PFKP: variants seen among roughly 807,000 people sequenced by gnomAD.
PFKP encodes the protein ATP-dependent 6-phosphofructokinase, platelet type.
Under a neutral mutation model 94.3 loss-of-function variants are expected in PFKP, and 101 were observed. The observed-to-expected ratio is 1.07, with a 90% CI of 0.91 to 1.26. The LOEUF (loss-of-function observed/expected upper bound fraction) is 1.26. PFKP is among the 50% of genes most tolerant of loss of function. PFKP has a pLI of 0.00. For missense variants in PFKP, 1,145 were observed against 1,103.3 expected (o/e 1.04, Z -0.53); for synonymous variants, 573 against 432.6 (o/e 1.32, Z -4.03).
At chr10:3,133,698 T>TG (rs1349452316) in intron 19 of PFKP, among the ~76,000 whole-genome samples, 9 of 149,860 alleles carry the variant, frequency 6.0e-5, no homozygotes, top group African/African-American at 2.3e-4. Flanking sequence ...CCCAAAGTGG[T>TG]GGGAATACAG....
intron 4 of PFKP, 138 bp downstream of exon 4, chr10:3,101,692 G>T (rs1031128405): frequency 7.2e-5 from 43 of 598,156 alleles, no homozygotes; most frequent in Non-Finnish European, 1.2e-4. Context: ...GGACTTTTTA[G>T]GATCTCAAAA....
At chr10:3,106,454 C>T (rs1442490133) in intron 7 of PFKP, among the ~76,000 whole-genome samples, 1 of 151,308 alleles carries the variant, frequency 6.6e-6, no homozygotes, top group Non-Finnish European at 1.5e-5. Context: ...TGTCCTTCCC[C>T]ATGGGAACCC....
In PFKP at chr10:3,135,746, T is replaced by C; in HGVS notation, c.2133T>C (p.Phe711=). The C allele has an allele frequency of 6.2e-7, 1 of 1,608,302 alleles. No individual in the cohort carries two copies. Among genetic ancestry groups the C allele is most frequent in the Non-Finnish European group, 8.5e-7 (1 of 1,175,630 alleles). The change falls in exon 21 of 22, where the codon TTT becomes TTC. Residue 711 remains phenylalanine, a synonymous_variant. Transcript: ENST00000381125. ...TAAAATCTTTTATAGGAAAAAAATT[T>C]ACCACCGATGATTCCATTTGTGTGC... The part of the protein sequence containing the change: ...LKEARGRGKK[F]TTDDSICVLG...
At chr10:3,077,696 C>T (rs1274260806) in intron 1 of PFKP, among the ~76,000 whole-genome samples, 1 of 152,124 alleles carries the variant, frequency 6.6e-6, no homozygotes, top group African/African-American at 2.4e-5. Flanking sequence ...TTAAGTCATG[C>T]TTGCTAGGCC....
Position 3,113,431 on chromosome 10 carries a change from C to T in PFKP, c.1284C>T (p.Ala428=), listed in dbSNP as rs145014356. The change falls in exon 13 of 22, where the codon GCC becomes GCT. Residue 428 remains alanine (A), a synonymous_variant. Coordinates refer to ENST00000381125, the MANE Select transcript of PFKP (RefSeq NM_002627.5). Reference sequence around the variant, plus strand: ...CACCCGCGGCTGGGATGAACGCAGCCGTACGCTCAGCTGTGCGCGTGGGCA... The same window carrying T: ...CACCCGCGGCTGGGATGAACGCAGCTGTACGCTCAGCTGTGCGCGTGGGCA... ...VGAPAAGMNA[A]VRSAVRVGIA... is the part of the protein sequence containing the mutation. The T allele has an allele frequency of 1.9e-5, 31 of 1,609,118 alleles. 1 individual carries two copies. Among genetic ancestry groups the T allele is most frequent in the African/African-American group, 6.7e-5 (5 of 74,846 alleles).
chr10:3,134,956 C>T (rs1311061311), intron 20 of PFKP, among the ~76,000 whole-genome samples: 3 of 152,270 alleles, frequency 2.0e-5, no homozygotes, highest in East Asian at 3.9e-4. Flanking sequence ...TCAAAACTTC[C>T]AGTTTTGAGG....
At chr10:3,088,736 A>G (rs1478614619) in intron 2 of PFKP, among the ~76,000 whole-genome samples, 1 of 152,156 alleles carries the variant, frequency 6.6e-6, no homozygotes. Context: ...TAAAATATGC[A>G]TATATCATTT....
chr10:3,112,679 T>A (rs1836368065), intron 11 of PFKP, among the ~76,000 whole-genome samples: 1 of 152,154 alleles, frequency 6.6e-6, no homozygotes, highest in Non-Finnish European at 1.5e-5. Context: ...TGTCTCAGCC[T>A]CCCAAGTAGC....
chr10:3,098,450 C>T (rs577006086), intron 2 of PFKP, among the ~76,000 whole-genome samples: 3 of 151,876 alleles, frequency 2.0e-5, no homozygotes, highest in East Asian at 1.9e-4. Flanking sequence ...CTGAGGCAGG[C>T]GGATCATGAG....
In PFKP at chr10:3,129,887, C is replaced by G. The variant is rs141941529; in HGVS notation, c.1752C>G (p.Gly584=). Reference sequence around the variant, plus strand: ...GCGTGTTCATCATCGAGACCATGGGCGGCTACTGTGGCTACCTGGCCAACA... The same window carrying G: ...GCGTGTTCATCATCGAGACCATGGGGGGCTACTGTGGCTACCTGGCCAACA... ...KRRVFIIETM[G]GYCGYLANMG... Residue 584 remains glycine (G), a synonymous_variant, in exon 17 of 22, where the codon GGC becomes GGG. Transcript: ENST00000381125. 69 of 1,613,466 alleles carry G rather than the reference C, an allele frequency of 4.3e-5. No individual in the cohort carries two copies. The African/African-American group carries it at 7.3e-4, about 17-fold the overall frequency.
In PFKP at chr10:3,126,405, C is replaced by T. The variant is rs573376989; in HGVS notation, c.1684-3414C>T. On this transcript the variant is annotated intron_variant, in intron 16 of 21. Transcript: ENST00000381125. ...CACTTGACCCCTGTTGGGTGAATGC[C>T]ATTAGGGTCCGGCCATCGCTGGCTT... is the stretch of plus-strand genomic sequence containing the variant. Among the ~76,000 whole-genome samples, 22 of 152,318 alleles carry T rather than the reference C, an allele frequency of 1.4e-4. 3 individuals carry two copies. Among genetic ancestry groups the T allele is most frequent in the African/African-American group, 5.1e-4 (21 of 41,576 alleles).
At chr10:3,104,926 C>T (rs948014270) in intron 5 of PFKP, 189 bp from the exon 6 acceptor site, 10 of 668,484 alleles carry the variant, frequency 1.5e-5, no homozygotes, top group Non-Finnish European at 2.7e-5. Context: ...TGGAAGGCTA[C>T]TGCATAGCGT....
Position 3,113,106 on chromosome 10 carries a change from C to T in PFKP, c.1155-13C>T, listed in dbSNP as rs1160967567. On this transcript the variant is annotated splice_polypyrimidine_tract_variant and intron_variant, in intron 11 of 21. Transcript: ENST00000381125. ...ATTCTCGACTCCGGTCCAACGACAC[C>T]CTTTTCCTTTAGGAGCTTTGCGGGC... 6.2e-7 allele frequency: 1 copy of T among 1,611,264 alleles called. No homozygotes were observed. Among genetic ancestry groups the T allele is most frequent in the Non-Finnish European group, 8.5e-7 (1 of 1,178,810 alleles).
chr10:3,096,816 T>C (rs61835136), intron 2 of PFKP, among the ~76,000 whole-genome samples: 49,938 of 138,492 alleles, frequency 0.36, 9,347 homozygotes, highest in Middle Eastern at 0.43. Flanking sequence ...CGGCGGCTCA[T>C]GCCTGTAATC....
chr10:3,108,841 C>G (rs371134212), intron 9 of PFKP, 48 bp downstream of exon 9: 95 of 1,364,360 alleles, frequency 7.0e-5, no homozygotes, highest in Non-Finnish European at 9.7e-5. Context: ...TAGGAGGAAG[C>G]GTTTCTGGAG....
chr10:3,114,130 C>T (rs990070673), intron 13 of PFKP, among the ~76,000 whole-genome samples: 1 of 150,156 alleles, frequency 6.7e-6, no homozygotes, highest in Non-Finnish European at 1.5e-5. Context: ...TCTGATTAGC[C>T]AACAAATACC....
intron 4 of PFKP, among the ~76,000 whole-genome samples, chr10:3,102,696 T>A (rs1192252439): frequency 6.6e-6 from 1 of 152,168 alleles, no homozygotes; most frequent in Non-Finnish European, 1.5e-5. Flanking sequence ...CCTCCCAAAG[T>A]GTAGTTTTTC....
At chr10:3,071,427 GTTTTTTT>G (rs569603765) in intron 1 of PFKP, among the ~76,000 whole-genome samples, 12 of 92,466 alleles carry the variant, frequency 1.3e-4, no homozygotes, top group South Asian at 3.5e-4. Flanking sequence ...GTCTCAGGCT[GTTTTTTT>G]TTTTTTTTTT....
In PFKP at chr10:3,126,221, C is replaced by T. The variant is rs558189169; in HGVS notation, c.1684-3598C>T. ...GAAGGGAGCAGAGGAGCCATGAGGTCGGCTGCAGCTTCCTGTGAGTCCGAG... is the reference window on the plus strand; with the variant it reads ...GAAGGGAGCAGAGGAGCCATGAGGTTGGCTGCAGCTTCCTGTGAGTCCGAG... On this transcript the variant is annotated intron_variant, in intron 16 of 21. Transcript: ENST00000381125. Among the ~76,000 whole-genome samples, 95 of 152,322 alleles carry T rather than the reference C, an allele frequency of 6.2e-4. 1 individual carries two copies. In the South Asian group the frequency reaches 9.1e-3, roughly 15 times the overall value.
Sources: gnomAD v4.1 joint callset for allele counts (sites outside exome capture counted in the v4.1 genomes callset) on GRCh38, gnomAD v4.1.1 for gene constraint, MANE v1.5 for transcripts, NCBI Gene and HGNC (gene_info 2026-07-23, HGNC 2026-07-21) for gene names.